The following ABLIM2 variants were observed in gnomAD, a reference collection of about 807,000 sequenced individuals.
ABLIM2 encodes the protein actin-binding LIM protein 2.
Under a neutral mutation model 97.7 loss-of-function variants are expected in ABLIM2, and 53 were observed. The ratio of observed to expected loss-of-function variants is 0.54; its 90% CI spans 0.44 to 0.68. ABLIM2 has a LOEUF of 0.68. Among genes scored for constraint, ABLIM2 ranks in the 30% least tolerant of loss-of-function variants. ABLIM2 has a pLI of 0.00. For missense variants in ABLIM2, 835 were observed against 867.2 expected (o/e 0.96, Z 0.47); for synonymous variants, 361 against 345.8 (o/e 1.04, Z -0.49).
At position 8,019,649 on chromosome 4, in the gene ABLIM2, G is replaced by A. The variant is rs756073594; in HGVS notation, c.1392C>T (p.Ile464=). The change falls in exon 14 of 21, where the codon ATC becomes ATT. Residue 464 remains isoleucine, a synonymous_variant. Transcript: ENST00000447017. The surrounding 1 kb of genome is among the most constrained non-coding windows in gnomAD (Gnocchi z 4.3). Reference sequence around the variant, plus strand: ...GTCTGTAGATAGGGGGTTTCCTATAGATGTTATCTTTTACGCCAGTGTCTG... The same window carrying A: ...GTCTGTAGATAGGGGGTTTCCTATAAATGTTATCTTTTACGCCAGTGTCTG... ...HVPDTGVKDN[I]YRKPPIYRQH... 1.9e-6 allele frequency: 3 copies of A among 1,612,620 alleles called. No individual in the cohort carries two copies. Among genetic ancestry groups the A allele is most frequent in the Non-Finnish European group, 2.5e-6 (3 of 1,179,410 alleles).
chr4:8,114,069 G>A (rs961285424), intron 1 of ABLIM2, among the ~76,000 whole-genome samples: 7 of 152,214 alleles, frequency 4.6e-5, no homozygotes, highest in Non-Finnish European at 7.3e-5. Flanking sequence ...CCTTCATTGC[G>A]GCACAGCCCT....
intron 12 of ABLIM2, chr4:8,020,653 G>A (rs1275131242): frequency 1.2e-5 from 4 of 327,698 alleles, no homozygotes; most frequent in South Asian, 3.9e-5. Flanking sequence ...CTGCAAATTC[G>A]CCAAAACAAA....
chr4:8,042,183 C>T (rs1337448273), intron 9 of ABLIM2, among the ~76,000 whole-genome samples: 1 of 152,184 alleles, frequency 6.6e-6, no homozygotes, highest in Non-Finnish European at 1.5e-5. Context: ...CTGTCTCTCA[C>T]CCTCTTCCTT....
In ABLIM2 at chr4:8,058,533, C is replaced by T. The variant is rs139264992; in HGVS notation, c.763+2434G>A. On this transcript the variant is annotated intron_variant, in intron 7 of 20. Transcript: ENST00000447017. This position sits in a 1 kb window ranked among gnomAD's most constrained non-coding sequence, Gnocchi z 4.2. ...GTGACAGAGAATCTTCAAAAGGGAGCTGTGGCTAAAGAGATGAAGTCACAA... is the reference window on the plus strand; with the variant it reads ...GTGACAGAGAATCTTCAAAAGGGAGTTGTGGCTAAAGAGATGAAGTCACAA... 2.3e-3 allele frequency among the ~76,000 whole-genome samples: 355 copies of T among 152,364 alleles called. 1 individual carries two copies. The highest frequency in any genetic ancestry group is 8.2e-3 in the African/African-American group (342 of 41,594).
rs775100999 is a variant in ABLIM2, at chr4:8,033,731, G to A, written c.1047+2418C>T. Among the ~76,000 whole-genome samples, 1 of 152,214 alleles carries A rather than the reference G, an allele frequency of 6.6e-6. No individual in the cohort carries two copies. On this transcript the variant is annotated intron_variant, in intron 10 of 20. Transcript: ENST00000447017. The surrounding 1 kb of genome is among the most constrained non-coding windows in gnomAD (Gnocchi z 4.5). ...AGGTCCTGGGGTCAGGATCATCCATGGTTCACAGATGTCCTGCCATTTGAG... is the reference window on the plus strand; with the variant it reads ...AGGTCCTGGGGTCAGGATCATCCATAGTTCACAGATGTCCTGCCATTTGAG...
intron 3 of ABLIM2, among the ~76,000 whole-genome samples, chr4:8,088,736 T>C (rs1392258835): frequency 6.6e-6 from 1 of 152,250 alleles, no homozygotes; most frequent in Non-Finnish European, 1.5e-5. Context: ...CTGTGATAGG[T>C]GCCCTATAGG....
intron 1 of ABLIM2, among the ~76,000 whole-genome samples, chr4:8,119,821 C>T (rs972884507): frequency 5.4e-4 from 82 of 152,268 alleles, no homozygotes; most frequent in South Asian, 6.2e-4. Context: ...GGGGCTTTTG[C>T]GAGGCTGAAA....
chr4:8,104,603 C>G (rs1167489080), intron 2 of ABLIM2, among the ~76,000 whole-genome samples: 1 of 152,132 alleles, frequency 6.6e-6, no homozygotes, highest in Non-Finnish European at 1.5e-5. Flanking sequence ...TGCCTTAGCC[C>G]AAGGGATTCA....
intron 14 of ABLIM2, among the ~76,000 whole-genome samples, chr4:8,010,999 G>T (rs1454910953): frequency 6.6e-6 from 1 of 152,214 alleles, no homozygotes; most frequent in Non-Finnish European, 1.5e-5. Context: ...TAAGTGCATC[G>T]TTTCCTGAAA....
At chr4:7,975,009 A>T (rs1731801083) in intron 20 of ABLIM2, among the ~76,000 whole-genome samples, 1 of 152,218 alleles carries the variant, frequency 6.6e-6, no homozygotes, top group South Asian at 2.1e-4. Context: ...ACTTGAGCCC[A>T]GGAATTTGAG....
chr4:8,091,345 ATATATAAT>A (rs1308757534), intron 3 of ABLIM2, among the ~76,000 whole-genome samples: 2 of 27,760 alleles, frequency 7.2e-5, no homozygotes, highest in Non-Finnish European at 1.3e-4. Flanking sequence ...TATATAATAT[ATATATAAT>A]TATATATATA....
chr4:8,049,944 T>C (rs1009584283), intron 8 of ABLIM2, among the ~76,000 whole-genome samples: 2 of 152,164 alleles, frequency 1.3e-5, no homozygotes, highest in African/African-American at 4.8e-5. Flanking sequence ...GCCAGGCTGG[T>C]CTCGAACTCC....
At chr4:7,977,359 C>A (rs1362104247) in intron 20 of ABLIM2, among the ~76,000 whole-genome samples, 1 of 151,958 alleles carries the variant, frequency 6.6e-6, no homozygotes, top group Non-Finnish European at 1.5e-5. Flanking sequence ...TGGATGAATA[C>A]ACACACATAC....
intron 1 of ABLIM2, among the ~76,000 whole-genome samples, chr4:8,114,134 C>T (rs771702242): frequency 1.3e-5 from 2 of 152,230 alleles, no homozygotes; most frequent in Non-Finnish European, 2.9e-5. Flanking sequence ...GCCTGGAAGC[C>T]CTCATGGGCG....
At chr4:8,076,049 ACATCCCTCTCAGAGCCACTCC>A (rs1305010963) in intron 6 of ABLIM2, among the ~76,000 whole-genome samples, 22 of 152,234 alleles carry the variant, frequency 1.4e-4, no homozygotes, top group African/African-American at 4.8e-4. Flanking sequence ...AGAATGGAGG[ACATCCCTCTCAGAGCCACTCC>A]ACAGAGGAGT....
At position 8,054,824 on chromosome 4, in the gene ABLIM2, G is replaced by C. The variant is rs1391566529; in HGVS notation, c.764-578C>G. Among the ~76,000 whole-genome samples, 1 of 152,080 alleles carries C rather than the reference G, an allele frequency of 6.6e-6. No individual in the cohort carries two copies. Among genetic ancestry groups the C allele is most frequent in the Admixed American group, 6.6e-5 (1 of 15,262 alleles). ...TGAAGAACAGGTGTGTTCGGTGGGA[G>C]CTGGGCACAAGGCTCAAACACCAGC... On this transcript the variant is annotated intron_variant, in intron 7 of 20. Coordinates refer to ENST00000447017, the MANE Select transcript of ABLIM2 (RefSeq NM_001130083.2). This position sits in a 1 kb window ranked among gnomAD's most constrained non-coding sequence, Gnocchi z 4.9.
chr4:8,123,091 GCCCAGCACTGTGT>G lies in ABLIM2; in HGVS notation c.11-16467_11-16455del, dbSNP rs1411758206. Among the ~76,000 whole-genome samples, 1 of 152,180 alleles carries G rather than the reference GCCCAGCACTGTGT, an allele frequency of 6.6e-6. No homozygotes were observed. Among genetic ancestry groups the G allele is most frequent in the African/African-American group, 2.4e-5 (1 of 41,442 alleles). ...CCTGTGCGTGGTTAATGCCCTCAAA[GCCCAGCACTGTGT>G]CCCAGCACTGCTGGAGGAAGACCTC... is the stretch of plus-strand genomic sequence containing the variant. On this transcript the variant is annotated intron_variant, in intron 1 of 20. Transcript: ENST00000447017. This position sits in a 1 kb window ranked among gnomAD's most constrained non-coding sequence, Gnocchi z 6.2.
chr4:8,017,280 TTTATTATTA>T (rs751969191), intron 14 of ABLIM2, among the ~76,000 whole-genome samples: 1 of 150,384 alleles, frequency 6.6e-6, no homozygotes, highest in South Asian at 2.1e-4. Flanking sequence ...TAATTCCCTA[TTTATTATTA>T]TTATTATTAT....
rs1030337677 is a variant in ABLIM2 at position 8,061,545 on chromosome 4, C to T, written c.676-491G>A. On this transcript the variant is annotated intron_variant, in intron 6 of 20. Transcript: ENST00000447017. The surrounding 1 kb of genome is among the most constrained non-coding windows in gnomAD (Gnocchi z 4.5). ...TGTATTGCTCAGTATGTTCAATGAG[C>T]ATTTTGTTTTTATCATTCTTGAAGT... Among the ~76,000 whole-genome samples, 7 of 151,894 alleles carry T rather than the reference C, an allele frequency of 4.6e-5. No homozygotes were observed. Among genetic ancestry groups the T allele is most frequent in the African/African-American group, 1.5e-4 (6 of 41,318 alleles).
Sources: allele counts gnomAD v4.1 joint callset (sites outside exome capture counted in the v4.1 genomes callset), GRCh38; gene constraint gnomAD v4.1.1; non-coding constraint Gnocchi (gnomAD v3.1); transcripts MANE v1.5; gene names NCBI Gene and HGNC (gene_info 2026-07-23, HGNC 2026-07-21).